The following EXOC4 variants were observed in gnomAD, a reference collection of about 807,000 sequenced individuals.
The protein encoded by EXOC4 is SEC8-like 1.
Under a neutral mutation model 107.2 loss-of-function variants are expected in EXOC4, and 71 were observed. That is an observed-to-expected ratio of 0.66 (90% CI 0.55 to 0.81). The LOEUF (loss-of-function observed/expected upper bound fraction) is 0.81, where lower values mean the gene tolerates loss of function less well. EXOC4 is among the 30% of genes least tolerant of loss of function. The pLI is 0.00. For synonymous variants in EXOC4, 456 were observed against 441.2 expected, an observed-to-expected ratio of 1.03 and a Z score of -0.42; for missense variants, 1,108 against 1,189.6, an observed-to-expected ratio of 0.93 and a Z score of 1.01.
intron 9 of EXOC4, among the ~76,000 whole-genome samples, chr7:133,570,184 T>C (rs1269565848): frequency 1.3e-5 from 2 of 152,204 alleles, no homozygotes; most frequent in African/African-American, 2.4e-5. Context: ...GTATAATAGA[T>C]GACCTCATGC....
intron 7 of EXOC4, among the ~76,000 whole-genome samples, chr7:133,429,499 A>G (rs1462942785): frequency 1.3e-5 from 2 of 152,232 alleles, no homozygotes; most frequent in Admixed American, 6.5e-5. Flanking sequence ...AGGTTTTAGT[A>G]TATTCACAGG....
At chr7:133,410,248 CTT>C (rs1797325923) in intron 7 of EXOC4, among the ~76,000 whole-genome samples, 1 of 152,024 alleles carries the variant, frequency 6.6e-6, no homozygotes, top group South Asian at 2.1e-4. Context: ...CTTATCAAGA[CTT>C]ATATCTCACA....
chr7:133,634,418 C>T (rs1235479670), intron 10 of EXOC4, among the ~76,000 whole-genome samples: 1 of 152,048 alleles, frequency 6.6e-6, no homozygotes, highest in Admixed American at 6.6e-5. Flanking sequence ...TTACTCTTAG[C>T]CTACCAAGAC....
intron 10 of EXOC4, among the ~76,000 whole-genome samples, chr7:133,753,086 C>G: frequency 6.6e-6 from 1 of 152,188 alleles, no homozygotes; most frequent in South Asian, 2.1e-4. Flanking sequence ...TGATATTTTT[C>G]TTCGTCATAT....
At chr7:133,746,321 T>C (rs1795676965) in intron 10 of EXOC4, among the ~76,000 whole-genome samples, 1 of 152,172 alleles carries the variant, frequency 6.6e-6, no homozygotes, top group Non-Finnish European at 1.5e-5. Context: ...ATAAAGAACT[T>C]TCGTTACTTT....
intron 9 of EXOC4, among the ~76,000 whole-genome samples, chr7:133,541,522 G>C (rs1800379487): frequency 1.3e-5 from 2 of 151,974 alleles, no homozygotes; most frequent in Admixed American, 1.3e-4. Context: ...TTTTTTGAGA[G>C]AGCATCTCAC....
At chr7:134,078,234 C>A in the EXOC4 span, among the ~76,000 whole-genome samples, 1 of 151,806 alleles carries the variant, frequency 6.6e-6, no homozygotes, top group South Asian at 2.1e-4. Context: ...ATACATAGGT[C>A]TTAATTCAGT....
intron 10 of EXOC4, among the ~76,000 whole-genome samples, chr7:133,814,562 T>C (rs142391136): frequency 6.6e-6 from 1 of 152,318 alleles, no homozygotes; most frequent in East Asian, 1.9e-4. Context: ...TTCTGGGCGA[T>C]AAAGAAATTC....
Position 134,042,954 on chromosome 7 carries a change from T to C in EXOC4, c.2688-21337T>C, listed in dbSNP as rs138035277. ...GGTGCCGGGGGCTGAGGCAGGAGAA[T>C]TGCTTGAGCCCGGGAGGTGGAGGTT... On this transcript the variant is annotated intron_variant, in intron 17 of 17. Coordinates refer to ENST00000253861, the MANE Select transcript of EXOC4 (RefSeq NM_021807.4). Among the ~76,000 whole-genome samples the C allele has an allele frequency of 4.3e-4, 65 of 152,214 alleles. No individual in the cohort carries two copies. In the East Asian group the frequency reaches 0.011, roughly 26 times the overall value.
chr7:134,087,390 T>C, the EXOC4 span, among the ~76,000 whole-genome samples: 2 of 152,286 alleles, frequency 1.3e-5, no homozygotes, highest in Admixed American at 1.3e-4. Context: ...ACTTTTGAGT[T>C]CCAACAAAAG....
intron 10 of EXOC4, among the ~76,000 whole-genome samples, chr7:133,794,012 G>T (rs1796760901): frequency 6.6e-6 from 1 of 152,044 alleles, no homozygotes; most frequent in Non-Finnish European, 1.5e-5. Flanking sequence ...CAATAAAAAT[G>T]TCCCCCTTAC....
chr7:133,403,111 C>T (rs564876855), intron 7 of EXOC4, among the ~76,000 whole-genome samples: 1 of 149,896 alleles, frequency 6.7e-6, no homozygotes, highest in African/African-American at 2.5e-5. Flanking sequence ...TCTTGATCTC[C>T]TGACCTCGTG....
At chr7:134,021,673 A>G (rs1441345459) in intron 17 of EXOC4, among the ~76,000 whole-genome samples, 1 of 151,496 alleles carries the variant, frequency 6.6e-6, no homozygotes, top group East Asian at 1.9e-4. Flanking sequence ...AATTCTTCCA[A>G]AGAATTGTGC....
chr7:133,446,032 G>A (rs1023880280), intron 7 of EXOC4, among the ~76,000 whole-genome samples: 10 of 119,596 alleles, frequency 8.4e-5, no homozygotes, highest in Non-Finnish European at 1.6e-4. Context: ...AAAAAAAAAA[G>A]ATGACTGAGC....
At chr7:133,513,573 T>A (rs1200094509) in intron 9 of EXOC4, among the ~76,000 whole-genome samples, 1 of 152,218 alleles carries the variant, frequency 6.6e-6, no homozygotes, top group Non-Finnish European at 1.5e-5. Context: ...TGATCCAGTA[T>A]CCTGTCTTTT....
chr7:133,663,472 G>A (rs1585063346), intron 10 of EXOC4, among the ~76,000 whole-genome samples: 1 of 152,222 alleles, frequency 6.6e-6, no homozygotes, highest in East Asian at 1.9e-4. Flanking sequence ...TGCTTAACAT[G>A]TCCACTTCCT....
chr7:133,439,643 C>A (rs546605590), intron 7 of EXOC4, among the ~76,000 whole-genome samples: 6 of 152,304 alleles, frequency 3.9e-5, no homozygotes, highest in African/African-American at 1.4e-4. Context: ...CCACACAAAG[C>A]TACCTTCTGA....
At chr7:133,749,562 T>G (rs1420235849) in intron 10 of EXOC4, among the ~76,000 whole-genome samples, 2 of 152,126 alleles carry the variant, frequency 1.3e-5, no homozygotes, top group African/African-American at 4.8e-5. Flanking sequence ...TCAGATAATT[T>G]TTTGTATTTT....
At chr7:133,838,506 T>C (rs7802352) in intron 11 of EXOC4, among the ~76,000 whole-genome samples, 94,815 of 152,060 alleles carry the variant, frequency 0.62, 32,137 homozygotes, top group African/African-American at 0.9. Flanking sequence ...AGTAATAATC[T>C]CACCCCCTTT....
Sources: allele counts gnomAD v4.1 joint callset (sites outside exome capture counted in the v4.1 genomes callset), GRCh38; gene constraint gnomAD v4.1.1; transcripts MANE v1.5; gene names NCBI Gene and HGNC (gene_info 2026-07-23, HGNC 2026-07-21).